CCAR2: variants seen among roughly 807,000 people sequenced by gnomAD.
CCAR2 encodes cell cycle and apoptosis regulator protein 2.
A neutral mutation model predicts 108.1 loss-of-function variants in CCAR2; 21 were observed. The observed-to-expected ratio is 0.19, with a 90% CI of 0.14 to 0.28. The LOEUF (loss-of-function observed/expected upper bound fraction) is 0.28, where lower values mean the gene tolerates loss of function less well. CCAR2 is among the 10% of genes least tolerant of loss of function. CCAR2 has a pLI of 1.00. For synonymous variants in CCAR2, 577 were observed against 472.8 expected (o/e 1.22, Z -2.86); for missense variants, 1,126 against 1,177.0 (o/e 0.96, Z 0.63).
Position 22,605,683 on chromosome 8 carries a change from A to G in CCAR2, c.-38-53A>G, listed in dbSNP as rs74608631. 8.7e-3 allele frequency: 9,337 copies of G among 1,069,844 alleles called. 483 individuals are homozygous for G. In the African/African-American group the frequency reaches 0.12, roughly 14 times the overall value. The allele number at this position is 1,069,844 out of a possible 1,614,324, so 66.3% of individuals were successfully genotyped here. On this transcript the variant is annotated intron_variant, in intron 1 of 20. Coordinates refer to ENST00000308511, the MANE Select transcript of CCAR2 (RefSeq NM_001393997.1). ...CTTAAGATTCTCCACTTTTCCGGGT[A>G]TAGATGGAAATTTCCCTTATAAGCT... is the stretch of plus-strand genomic sequence containing the variant.
At chr8:22,607,617 G>A (rs1190078378) in intron 6 of CCAR2, among the ~76,000 whole-genome samples, 2 of 150,928 alleles carry the variant, frequency 1.3e-5, no homozygotes, top group Non-Finnish European at 1.5e-5. Flanking sequence ...ACAGGCGCCC[G>A]CCACCATGAC....
At chr8:22,615,649 A>G (rs147963703) in intron 12 of CCAR2, 33 bp from the exon 13 acceptor site, 1 of 1,613,684 alleles carries the variant, frequency 6.2e-7, no homozygotes, top group Non-Finnish European at 8.5e-7. Context: ...TAATCCCGGG[A>G]CCCAGAGGGT....
intron 6 of CCAR2, 91 bp downstream of exon 6, chr8:22,607,416 G>A: frequency 9.4e-6 from 14 of 1,486,054 alleles, no homozygotes; most frequent in Non-Finnish European, 1.3e-5. Flanking sequence ...CATAGAGGTG[G>A]GTACTTCTAT....
At chr8:22,612,391 C>G (rs1801319341) in intron 7 of CCAR2, among the ~76,000 whole-genome samples, 1 of 152,126 alleles carries the variant, frequency 6.6e-6, no homozygotes, top group Admixed American at 6.5e-5. Context: ...CCTCACCCTC[C>G]CAAGTAGCTG....
chr8:22,619,418 A>G lies in CCAR2; in HGVS notation c.2727+63A>G, dbSNP rs986257257. The stretch of plus-strand genomic sequence containing the variant: ...TTCCCTGAGCTCCAAAAGTCCCCAG[A>G]AGGGCGCTTGCCCGTGTCGGGAGTG... On this transcript the variant is annotated intron_variant, in intron 20 of 20. Coordinates refer to ENST00000308511, the MANE Select transcript of CCAR2 (RefSeq NM_001393997.1). 1.2e-5 allele frequency: 18 copies of G among 1,527,676 alleles called. No homozygotes were observed. The Admixed American group carries it at 3.6e-4, about 30-fold the overall frequency. 94.6% of individuals were successfully genotyped at this position (1,527,676 alleles called of 1,614,324 possible).
rs979874900 is a variant in CCAR2, at chr8:22,620,297, C to T, written c.*615C>T. 14 of 152,814 alleles carry T rather than the reference C, an allele frequency of 9.2e-5. No individual in the cohort carries two copies. The highest frequency in any genetic ancestry group is 2.2e-4 in the African/African-American group (9 of 41,432). 9.5% of individuals were successfully genotyped at this position (152,814 alleles called of 1,614,324 possible). ...CCAGAAGAAACCAGCACCTCTTTCC[C>T]GTGGCTCCTGTGTTCAGAATGTGGT... On this transcript the variant is annotated 3_prime_UTR_variant, in exon 21 of 21. Coordinates refer to ENST00000308511, the MANE Select transcript of CCAR2 (RefSeq NM_001393997.1).
rs200118469 is a variant in CCAR2, at chr8:22,616,101, G to T, written c.1698G>T (p.Lys566Asn). Residue 566 changes from lysine to asparagine, a missense_variant, in exon 14 of 21, where the codon AAG (lysine) becomes AAT (asparagine). This residue lies in a region of CCAR2 where 1,013 missense variants were observed against 993.9 expected (regional missense o/e 1.02). Coordinates refer to ENST00000308511, the MANE Select transcript of CCAR2 (RefSeq NM_001393997.1). Reference protein sequence around the residue: ...VYKMLLSLPEKVVSPPEPEKE... With the variant: ...VYKMLLSLPENVVSPPEPEKE... ...AGATGCTACTGAGCCTTCCTGAAAA[G>T]GTCGTGTCCCCACCTGAACCTGAGA... The T allele has an allele frequency of 6.2e-7, 1 of 1,613,924 alleles. No homozygotes were observed. Among genetic ancestry groups the T allele is most frequent in the African/African-American group, 1.3e-5 (1 of 74,918 alleles).
intron 7 of CCAR2, 192 bp from the exon 8 acceptor site, chr8:22,612,825 G>T (rs1241816056): frequency 3.3e-6 from 2 of 607,444 alleles, no homozygotes; most frequent in Non-Finnish European, 2.6e-6. Flanking sequence ...TGCTTAACAG[G>T]AATGTTTATT....
In CCAR2 at chr8:22,618,406, T is replaced by G. The variant is rs1460453631; in HGVS notation, c.2131T>G (p.Phe711Val). Residue 711 changes from phenylalanine to valine, a missense_variant, in exon 17 of 21, where the codon TTC (phenylalanine) becomes GTC (valine). Physicochemically the swap from Phe to Val is conservative, Grantham distance 50. Coordinates refer to ENST00000308511, the MANE Select transcript of CCAR2 (RefSeq NM_001393997.1). ...CTTAGACTGTCTGCTTGCTTTTGTG[T>G]TCTTTGATGCCAACTGGTGTGGCTA... ...LPLDCLLAFV[F>V]FDANWCGYLH... 6.2e-7 allele frequency: 1 copy of G among 1,614,232 alleles called. No individual in the cohort carries two copies. The highest frequency in any genetic ancestry group is 1.1e-5 in the South Asian group (1 of 91,086).
intron 8 of CCAR2, among the ~76,000 whole-genome samples, chr8:22,613,716 T>TGTAA (rs900604490): frequency 6.6e-6 from 1 of 152,242 alleles, no homozygotes; most frequent in African/African-American, 2.4e-5. Context: ...TTTCTTTAAT[T>TGTAA]GTAAGTGAGA....
rs190679637 is a variant in CCAR2, at chr8:22,611,594, G to T, written c.585-1423G>T. 3.4e-4 allele frequency among the ~76,000 whole-genome samples: 52 copies of T among 152,092 alleles called. 1 individual carries two copies. The highest frequency in any genetic ancestry group is 1.2e-3 in the African/African-American group (51 of 41,470). On this transcript the variant is annotated intron_variant, in intron 7 of 20. Coordinates refer to ENST00000308511, the MANE Select transcript of CCAR2 (RefSeq NM_001393997.1). Reference sequence around the variant, plus strand: ...AAATCTCTTGCCACTCTTTTCTCCTGTGTTCTAGTTTTTATCTATACATGT... The same window carrying T: ...AAATCTCTTGCCACTCTTTTCTCCTTTGTTCTAGTTTTTATCTATACATGT...
rs986008197 is a variant in CCAR2 at position 22,619,555 on chromosome 8, C to T, written c.2728-83C>T. On this transcript the variant is annotated intron_variant, in intron 20 of 20. Transcript: ENST00000308511. ...AGTCAGCAGCGTGCAGTGGGAGCTT[C>T]CCAGCAGGAGGCAGTCCGCAGTCCG... 2.1e-5 allele frequency: 31 copies of T among 1,488,672 alleles called. No homozygotes were observed. The African/African-American group carries it at 4.2e-4, about 20-fold the overall frequency. 92.2% of individuals were successfully genotyped at this position (1,488,672 alleles called of 1,614,324 possible).
chr8:22,618,216 C>A, intron 16 of CCAR2, 133 bp from the exon 17 acceptor site: 1 of 1,210,644 alleles, frequency 8.3e-7, no homozygotes, highest in Non-Finnish European at 1.2e-6. Flanking sequence ...TTAGCCTCCC[C>A]AGCAGCTGGG....
rs757981337 is a variant in CCAR2 at position 22,616,005 on chromosome 8, C to A, written c.1609-7C>A. The A allele has an allele frequency of 2.5e-6, 4 of 1,613,880 alleles. No individual in the cohort carries two copies. The highest frequency in any genetic ancestry group is 3.4e-6 in the Non-Finnish European group (4 of 1,179,840). On this transcript the variant is annotated splice_region_variant and splice_polypyrimidine_tract_variant and intron_variant, in intron 13 of 20. Coordinates refer to ENST00000308511, the MANE Select transcript of CCAR2 (RefSeq NM_001393997.1). Reference sequence around the variant, plus strand: ...GATGCTCATGGACCCTCCCACCTCCCCATCAGGTGATGGTGCTGGCCGAGC... The same window carrying A: ...GATGCTCATGGACCCTCCCACCTCCACATCAGGTGATGGTGCTGGCCGAGC...
intron 16 of CCAR2, chr8:22,618,103 G>A (rs1008775276): frequency 2.8e-5 from 17 of 597,574 alleles, no homozygotes; most frequent in South Asian, 1.0e-4. Flanking sequence ...TTTTAGAGAC[G>A]GGGTTTCGCT....
chr8:22,605,085 G>A, intron 1 of CCAR2: 1 of 248,020 alleles, frequency 4.0e-6, no homozygotes, highest in Non-Finnish European at 8.1e-6. Flanking sequence ...TGGGAGACCC[G>A]GCGCTGGCGG....
At chr8:22,605,963 C>T (rs971292287) in intron 2 of CCAR2, 122 bp from the exon 3 acceptor site, 12 of 1,252,368 alleles carry the variant, frequency 9.6e-6, no homozygotes, top group East Asian at 2.3e-5. Context: ...ACAGTGATTG[C>T]CAGTGAAGCT....
intron 2 of CCAR2, 89 bp from the exon 3 acceptor site, chr8:22,605,978 GGAGGAGCTGGCTGGAGCT>G: frequency 7.8e-7 from 1 of 1,280,130 alleles, no homozygotes; most frequent in African/African-American, 1.5e-5. Flanking sequence ...GAAGCTCTGT[GGAGGAGCTGGCTGGAGCT>G]GTAGCCTTTG....
At chr8:22,621,144 C>T (rs1801787250), downstream of CCAR2, 1 of 396,128 alleles carries the variant, frequency 2.5e-6, no homozygotes, top group Non-Finnish European at 4.6e-6. Context: ...GCAGCTTGCT[C>T]AGGCCGTGGG....
Sources: allele counts gnomAD v4.1 joint callset (sites outside exome capture counted in the v4.1 genomes callset), GRCh38; gene constraint gnomAD v4.1.1; regional missense constraint gnomAD v4.1.1; transcripts MANE v1.5; gene names NCBI Gene and HGNC (gene_info 2026-07-23, HGNC 2026-07-21).